The following HIBCH variants were observed in gnomAD, a reference collection of about 807,000 sequenced individuals.
HIBCH encodes 3-hydroxyisobutyryl-CoA hydrolase, mitochondrial.
A neutral mutation model predicts 58.2 loss-of-function variants in HIBCH; 50 were observed. That is an observed-to-expected ratio of 0.86 (90% CI 0.68 to 1.09). HIBCH has a LOEUF of 1.09. Among genes scored for constraint, HIBCH ranks in the 50% least tolerant of loss-of-function variants. HIBCH has a pLI of 0.00. For missense variants in HIBCH, 450 were observed against 449.7 expected (o/e 1.00, Z -0.01); for synonymous variants, 151 against 146.9 (o/e 1.03, Z -0.20).
At chr2:190,196,190 C>T (rs1689968373) in intron 1 of HIBCH, among the ~76,000 whole-genome samples, 1 of 152,008 alleles carries the variant, frequency 6.6e-6, no homozygotes, top group Admixed American at 6.6e-5. Context: ...TTAAACGTAT[C>T]TAATTCCTTT....
intron 7 of HIBCH, among the ~76,000 whole-genome samples, chr2:190,253,426 C>T (rs1346541235): frequency 2.0e-5 from 3 of 152,136 alleles, no homozygotes; most frequent in Non-Finnish European, 4.4e-5. Flanking sequence ...CTCCTGTAAA[C>T]AGAAATATCT....
intron 8 of HIBCH, 56 bp from the exon 9 acceptor site, chr2:190,249,782 G>A (rs1686710960): frequency 1.8e-6 from 2 of 1,107,050 alleles, no homozygotes; most frequent in Admixed American, 1.8e-5. Context: ...AACATAGAAA[G>A]CTTTATAAAA....
chr2:190,272,736 T>C (rs1287174974), intron 6 of HIBCH, among the ~76,000 whole-genome samples: 2 of 152,052 alleles, frequency 1.3e-5, no homozygotes, highest in African/African-American at 2.4e-5. Context: ...GTCAAAAATT[T>C]CCCAGAATGC....
rs1402416444 is a variant in HIBCH, at chr2:190,211,105, C to A, written c.1011+1851G>T. Reference sequence around the variant, plus strand: ...CTGTTTTCTGCCTTTTCAACCTCAACCCCTGGAGCACACCTATGTACCTGG... The same window carrying A: ...CTGTTTTCTGCCTTTTCAACCTCAAACCCTGGAGCACACCTATGTACCTGG... On this transcript the variant is annotated intron_variant, in intron 12 of 13. Coordinates refer to ENST00000359678, the MANE Select transcript of HIBCH (RefSeq NM_014362.4). This position sits in a 1 kb window ranked among gnomAD's most constrained non-coding sequence, Gnocchi z 5.0. Among the ~76,000 whole-genome samples the A allele has an allele frequency of 1.3e-5, 2 of 152,164 alleles. No homozygotes were observed. Among genetic ancestry groups the A allele is most frequent in the East Asian group, 1.9e-4 (1 of 5,196 alleles).
chr2:190,275,422 T>C (rs575808565), intron 6 of HIBCH, among the ~76,000 whole-genome samples: 6 of 152,230 alleles, frequency 3.9e-5, no homozygotes, highest in Non-Finnish European at 8.8e-5. Flanking sequence ...GAAAAAACTA[T>C]GCAAGAACTT....
chr2:190,204,963 T>A lies in HIBCH; in HGVS notation c.*154A>T, dbSNP rs11542. On this transcript the variant is annotated 3_prime_UTR_variant, in exon 14 of 14. Transcript: ENST00000359678. Reference sequence around the variant, plus strand: ...ATTCTGATAATTTTCACGTCATGAATTATTAGTCTTTGATTTCTTTTCCCA... The same window carrying A: ...ATTCTGATAATTTTCACGTCATGAAATATTAGTCTTTGATTTCTTTTCCCA... 0.27 allele frequency: 175,792 copies of A among 652,664 alleles called. 26,490 individuals carry two copies. Among genetic ancestry groups the A allele is most frequent in the East Asian group, 0.5 (17,925 of 36,146 alleles). The allele number at this position is 652,664 out of a possible 1,614,324, so 40.4% of individuals were successfully genotyped here.
Position 190,261,240 on chromosome 2 carries a change from G to T in HIBCH, c.439-6C>A. The T allele has an allele frequency of 7.1e-6, 11 of 1,549,500 alleles. No homozygotes were observed. Among genetic ancestry groups the T allele is most frequent in the South Asian group, 1.1e-5 (1 of 90,034 alleles). ...TGGACTGAGAGACCAACTCCCTAGAGAAAAAAGGCAAAAAAAGAGGCGGGG... is the reference window on the plus strand; with the variant it reads ...TGGACTGAGAGACCAACTCCCTAGATAAAAAAGGCAAAAAAAGAGGCGGGG... On this transcript the variant is annotated splice_region_variant and splice_polypyrimidine_tract_variant and intron_variant, in intron 6 of 13. Coordinates refer to ENST00000359678, the MANE Select transcript of HIBCH (RefSeq NM_014362.4).
chr2:190,196,045 T>C (rs954321814), intron 1 of HIBCH, among the ~76,000 whole-genome samples: 1 of 138,090 alleles, frequency 7.2e-6, no homozygotes, highest in Non-Finnish European at 1.6e-5. Flanking sequence ...AGTCTGATCA[T>C]CTCTGCCTTT....
intron 11 of HIBCH, among the ~76,000 whole-genome samples, chr2:190,239,742 T>C (rs1427211343): frequency 6.7e-6 from 1 of 150,010 alleles, no homozygotes; most frequent in Non-Finnish European, 1.5e-5. Flanking sequence ...CTCCGCCTCC[T>C]GGGCTCAACT....
At chr2:190,262,161 G>GTCAAA (rs555160781) in intron 6 of HIBCH, among the ~76,000 whole-genome samples, 23 of 99,980 alleles carry the variant, frequency 2.3e-4, no homozygotes, top group Non-Finnish European at 3.2e-4. Context: ...ATGCGGTAGA[G>GTCAAA]ACAAAAAAAA....
intron 11 of HIBCH, among the ~76,000 whole-genome samples, chr2:190,224,965 C>G (rs896774978): frequency 6.6e-6 from 1 of 152,228 alleles, no homozygotes; most frequent in Non-Finnish European, 1.5e-5. Context: ...GATTAAGAAA[C>G]TCACTCAAAA....
rs1319263462 is a variant in HIBCH at position 190,296,807 on chromosome 2, A to G, written c.219+6T>C. 3 of 1,611,680 alleles carry G rather than the reference A, an allele frequency of 1.9e-6. No homozygotes were observed. The highest frequency in any genetic ancestry group is 2.5e-6 in the Non-Finnish European group (3 of 1,177,744). On this transcript the variant is annotated splice_donor_region_variant and intron_variant, in intron 3 of 13. Transcript: ENST00000359678. ...TCCATATAATTGCAATAAGAAAATT[A>G]CAAACCTTTAGCTGTGGATAAATCT...
chr2:190,290,429 C>A lies in HIBCH; in HGVS notation c.361G>T (p.Glu121Ter), dbSNP rs1687930144. The change falls in exon 5 of 14, where the codon GAA (glutamate) becomes TAA (stop). Residue 121 changes from glutamate (E) to a stop codon, truncating the protein, a stop_gained. Transcript: ENST00000359678. LOFTEE classifies it high-confidence loss of function. ...QKIAPVFFRE[E>*]YMLNNAVGSC... ...CCAACAGCATTATTCAGCATATATTCTTCTCTGAAGAAAACTGGAGCTATC... is the reference window on the plus strand; with the variant it reads ...CCAACAGCATTATTCAGCATATATTATTCTCTGAAGAAAACTGGAGCTATC... The A allele has an allele frequency of 6.2e-7, 1 of 1,611,170 alleles. No homozygotes were observed. Among genetic ancestry groups the A allele is most frequent in the African/African-American group, 1.3e-5 (1 of 74,864 alleles).
intron 6 of HIBCH, among the ~76,000 whole-genome samples, chr2:190,284,053 G>A (rs1687773142): frequency 6.6e-6 from 1 of 152,126 alleles, no homozygotes; most frequent in Non-Finnish European, 1.5e-5. Context: ...AACATTTTAG[G>A]GCACTAAGAC....
intron 2 of HIBCH, among the ~76,000 whole-genome samples, 194 bp downstream of exon 2, chr2:190,310,560 A>G (rs566794024): frequency 7.2e-4 from 110 of 152,348 alleles, no homozygotes; most frequent in Non-Finnish European, 1.4e-3. Flanking sequence ...CTGACTTGTA[A>G]GAACCATGGT....
chr2:190,278,446 C>T (rs1452391390), intron 6 of HIBCH, among the ~76,000 whole-genome samples: 7 of 152,292 alleles, frequency 4.6e-5, no homozygotes, highest in East Asian at 1.9e-4. Flanking sequence ...TTAAGTGATC[C>T]GCCAGCCTAG....
chr2:190,230,961 CAA>C (rs1338275487), intron 11 of HIBCH, among the ~76,000 whole-genome samples: 2 of 152,112 alleles, frequency 1.3e-5, no homozygotes, highest in Non-Finnish European at 2.9e-5. Flanking sequence ...TCAAATCCAA[CAA>C]TATGTAAAAC....
At position 190,296,863 on chromosome 2, in the gene HIBCH, G is replaced by A. The variant is rs1393573612; in HGVS notation, c.169C>T (p.Leu57Phe). The A allele has an allele frequency of 6.2e-7, 1 of 1,614,006 alleles. No homozygotes were observed. Among genetic ancestry groups the A allele is most frequent in the Non-Finnish European group, 8.5e-7 (1 of 1,179,910 alleles). ...ATCATATTAAGAGTCAGTGCATTGAGGAACTTTGGTCTGTTTAGTGTTATG... is the reference window on the plus strand; with the variant it reads ...ATCATATTAAGAGTCAGTGCATTGAAGAACTTTGGTCTGTTTAGTGTTATG... Reference protein sequence around the residue: ...GVITLNRPKFLNALTLNMIRQ... With the variant: ...GVITLNRPKFFNALTLNMIRQ... Residue 57 changes from leucine (L) to phenylalanine (F), a missense_variant, in exon 3 of 14, where the codon CTC (leucine) becomes TTC (phenylalanine). Transcript: ENST00000359678.
intron 4 of HIBCH, 37 bp downstream of exon 4, chr2:190,294,509 G>C (rs771823023): frequency 2.2e-6 from 3 of 1,355,962 alleles, no homozygotes; most frequent in South Asian, 2.3e-5. Context: ...TTCTAGTAGG[G>C]GGAAAGAGCA....
Sources: gnomAD v4.1 joint callset for allele counts (sites outside exome capture counted in the v4.1 genomes callset) on GRCh38, gnomAD v4.1.1 for gene constraint, Gnocchi (gnomAD v3.1) non-coding constraint, MANE v1.5 for transcripts, NCBI Gene and HGNC (gene_info 2026-07-23, HGNC 2026-07-21) for gene names.